AKT3: variants seen among roughly 807,000 people sequenced by gnomAD.
AKT3 encodes the protein RAC-gamma serine/threonine-protein kinase.
Under a neutral mutation model 65.3 loss-of-function variants are expected in AKT3, and 15 were observed. That is an observed-to-expected ratio of 0.23 (90% CI 0.15 to 0.35). The LOEUF is 0.35. Ranked by LOEUF, AKT3 falls within the 10% of genes least tolerant of loss-of-function variation. The pLI is 1.00. For synonymous variants in AKT3, 206 were observed against 183.8 expected (o/e 1.12, Z -0.98); for missense variants, 243 against 576.5 (o/e 0.42, Z 5.92).
chr1:243,500,058 A>G lies in AKT3; in HGVS notation c.*5191T>C. On this transcript the variant is annotated 3_prime_UTR_variant, in exon 14 of 14. Coordinates refer to ENST00000673466, the MANE Select transcript of AKT3 (RefSeq NM_005465.7). ...TCTGCTCATTCGTATGCTAGGTTATACATATGATTTTCAATAAATGAACTT... is the reference window on the plus strand; with the variant it reads ...TCTGCTCATTCGTATGCTAGGTTATGCATATGATTTTCAATAAATGAACTT... The G allele has an allele frequency of 4.3e-6, 2 of 461,748 alleles. No homozygotes were observed. Among genetic ancestry groups the G allele is most frequent in the Non-Finnish European group, 7.7e-6 (2 of 261,046 alleles). The allele number at this position is 461,748 out of a possible 1,614,324, so 28.6% of individuals were successfully genotyped here.
At chr1:243,582,547 C>G (rs1675457593) in intron 8 of AKT3, among the ~76,000 whole-genome samples, 1 of 149,694 alleles carries the variant, frequency 6.7e-6, no homozygotes, top group South Asian at 2.1e-4. Flanking sequence ...CTTTTCCAGA[C>G]AAACAAGCAC....
In AKT3 at chr1:243,505,234, C is replaced by T. The variant is rs1184602716; in HGVS notation, c.*15G>A. ...TAAATTGAAGATGACAGTGAAGTAGCAGAATGAAAGAGACTTATTCTCGTC... is the reference window on the plus strand; with the variant it reads ...TAAATTGAAGATGACAGTGAAGTAGTAGAATGAAAGAGACTTATTCTCGTC... On this transcript the variant is annotated 3_prime_UTR_variant, in exon 14 of 14. Transcript: ENST00000673466. The T allele has an allele frequency of 1.9e-6, 3 of 1,603,252 alleles. No homozygotes were observed. The highest frequency in any genetic ancestry group is 1.7e-4 in the Middle Eastern group (1 of 6,038).
At chr1:243,492,337 C>T (rs1360384121) in intron 13 of AKT3, among the ~76,000 whole-genome samples, 6 of 118,482 alleles carry the variant, frequency 5.1e-5, no homozygotes, top group African/African-American at 1.3e-4. Flanking sequence ...AGTCTTGCTC[C>T]GTCACCCGGA....
At chr1:243,735,724 T>C (rs1199679375) in intron 2 of AKT3, 1 of 152,126 alleles carries the variant, frequency 6.6e-6, no homozygotes, top group African/African-American at 2.4e-5. Flanking sequence ...GCTGCAAAAG[T>C]GGGTGCATGC....
Position 243,786,632 on chromosome 1 carries a change from C to A in AKT3, c.46+56493G>T, listed in dbSNP as rs1691279982. ...ATCCAACAAATAAGTATGTAATAAGCAAATAAAAGTAAACCAGTCAATCAT... is the reference window on the plus strand; with the variant it reads ...ATCCAACAAATAAGTATGTAATAAGAAAATAAAAGTAAACCAGTCAATCAT... On this transcript the variant is annotated intron_variant, in intron 2 of 13. Coordinates refer to ENST00000673466, the MANE Select transcript of AKT3 (RefSeq NM_005465.7). Among the ~76,000 whole-genome samples the A allele has an allele frequency of 2.0e-5, 3 of 151,464 alleles. No homozygotes were observed. The South Asian group carries it at 6.3e-4, about 32-fold the overall frequency.
intron 3 of AKT3, among the ~76,000 whole-genome samples, chr1:243,693,463 ATTC>A (rs1362533089): frequency 1.3e-5 from 2 of 151,208 alleles, no homozygotes; most frequent in East Asian, 1.9e-4. Context: ...TGCCTGGAAT[ATTC>A]TTCTTCTCTG....
intron 2 of AKT3, among the ~76,000 whole-genome samples, chr1:243,818,415 C>T (rs1390536841): frequency 1.3e-5 from 2 of 152,142 alleles, no homozygotes; most frequent in Non-Finnish European, 2.9e-5. Flanking sequence ...TCACACATCC[C>T]AGTTTCTGGC....
chr1:243,816,220 G>A (rs948640389), intron 2 of AKT3, among the ~76,000 whole-genome samples: 1 of 152,142 alleles, frequency 6.6e-6, no homozygotes, highest in African/African-American at 2.4e-5. Flanking sequence ...TCAAGATGGT[G>A]TTTTTCTAGG....
intron 9 of AKT3, among the ~76,000 whole-genome samples, chr1:243,571,530 C>G (rs188260170): frequency 9.9e-5 from 15 of 152,254 alleles, no homozygotes; most frequent in Non-Finnish European, 1.9e-4. Context: ...TCTAAGCCTC[C>G]ATGCTTCTAT....
rs565548620 is a variant in AKT3 at position 243,625,778 on chromosome 1, C to A, written c.562-10617G>T. On this transcript the variant is annotated intron_variant, in intron 6 of 13. Transcript: ENST00000673466. ...TAACTTGGGAGCAGTATCTTTGATT[C>A]TGAATGTTGCAGAATGAAGAAGTCT... Among the ~76,000 whole-genome samples the A allele has an allele frequency of 2.0e-5, 3 of 152,238 alleles. No individual in the cohort carries two copies. The East Asian group carries it at 5.8e-4, about 29-fold the overall frequency.
chr1:243,520,910 A>G (rs1309653944), intron 12 of AKT3, among the ~76,000 whole-genome samples: 1 of 152,232 alleles, frequency 6.6e-6, no homozygotes, highest in African/African-American at 2.4e-5. Context: ...AAAAGTGTCA[A>G]TGAAAGAACA....
intron 2 of AKT3, among the ~76,000 whole-genome samples, chr1:243,699,770 G>A (rs766202616): frequency 6.6e-6 from 1 of 151,970 alleles, no homozygotes; most frequent in African/African-American, 2.4e-5. Context: ...AACAATTAAG[G>A]ATTCTGAGAA....
intron 2 of AKT3, among the ~76,000 whole-genome samples, chr1:243,823,435 C>G (rs781241986): frequency 1.3e-5 from 2 of 151,606 alleles, no homozygotes; most frequent in Admixed American, 1.3e-4. Context: ...GGCAATCATG[C>G]GAGAGAAATT....
At chr1:243,583,195 T>TATACACACACAC (rs759291565) in intron 8 of AKT3, among the ~76,000 whole-genome samples, 4 of 88,326 alleles carry the variant, frequency 4.5e-5, no homozygotes, top group African/African-American at 2.0e-4. Flanking sequence ...TATATATATA[T>TATACACACACAC]ACACACACAC....
chr1:243,657,229 T>C (rs535592073), intron 4 of AKT3, among the ~76,000 whole-genome samples: 156 of 152,270 alleles, frequency 1.0e-3, no homozygotes, highest in African/African-American at 3.7e-3. Flanking sequence ...ACACCTTCTA[T>C]GAACCGTGAA....
intron 8 of AKT3, among the ~76,000 whole-genome samples, chr1:243,586,338 A>AT (rs34772733): frequency 0.18 from 26,644 of 152,026 alleles, 2,535 homozygotes; most frequent in South Asian, 0.3. Flanking sequence ...CAATTCTGAG[A>AT]TTTTTCAAAG....
chr1:243,729,017 T>C (rs1354466830), intron 2 of AKT3, among the ~76,000 whole-genome samples: 1 of 152,154 alleles, frequency 6.6e-6, no homozygotes, highest in Non-Finnish European at 1.5e-5. Context: ...CTACTTGTGC[T>C]GAATGATATT....
At chr1:243,761,761 G>T (rs1321374977) in intron 2 of AKT3, among the ~76,000 whole-genome samples, 1 of 152,036 alleles carries the variant, frequency 6.6e-6, no homozygotes, top group African/African-American at 2.4e-5. Flanking sequence ...CTGTTAGCTG[G>T]GAAGAGATAC....
downstream of AKT3, among the ~76,000 whole-genome samples, chr1:243,497,504 G>A (rs991311178): frequency 1.3e-5 from 2 of 152,082 alleles, no homozygotes; most frequent in Non-Finnish European, 2.9e-5. Flanking sequence ...TCCTGGTGAG[G>A]CCCGTACATC....
Sources: gnomAD v4.1 joint callset for allele counts (sites outside exome capture counted in the v4.1 genomes callset) on GRCh38, gnomAD v4.1.1 for gene constraint, MANE v1.5 for transcripts, NCBI Gene and HGNC (gene_info 2026-07-23, HGNC 2026-07-21) for gene names.